Variants in ZNF385D observed in about 807,000 individuals in gnomAD.
ZNF385D encodes zinc finger protein 659.
A neutral mutation model predicts 35.8 loss-of-function variants in ZNF385D; 15 were observed. That is an observed-to-expected ratio of 0.42 (90% CI 0.28 to 0.64). The LOEUF (loss-of-function observed/expected upper bound fraction) is 0.64, where lower values mean the gene tolerates loss of function less well. ZNF385D is among the 30% of genes least tolerant of loss of function. The pLI, the probability that ZNF385D is intolerant of heterozygous loss-of-function variation, is 0.23. For synonymous variants in ZNF385D, 212 were observed against 186.8 expected, an observed-to-expected ratio of 1.13 and a Z score of -1.10; for missense variants, 474 against 494.6, an observed-to-expected ratio of 0.96 and a Z score of 0.39.
chr3:21,870,646 G>T (rs1017408532), intron 3 of ZNF385D, among the ~76,000 whole-genome samples: 2 of 152,038 alleles, frequency 1.3e-5, no homozygotes, highest in African/African-American at 4.8e-5. Flanking sequence ...GTATTCAAAT[G>T]GCCAACTGTT....
chr3:21,861,047 G>C (rs1697023883), intron 3 of ZNF385D, among the ~76,000 whole-genome samples: 1 of 152,056 alleles, frequency 6.6e-6, no homozygotes, highest in Non-Finnish European at 1.5e-5. Context: ...ACAGCATAGA[G>C]CAGACAAAGA....
intron 2 of ZNF385D, among the ~76,000 whole-genome samples, chr3:22,256,131 G>C (rs1292727420): frequency 6.6e-6 from 1 of 151,376 alleles, no homozygotes; most frequent in Non-Finnish European, 1.5e-5. Context: ...CTTCAGTTTT[G>C]AAACTTAGAC....
chr3:21,754,421 G>C (rs1352028491), upstream of ZNF385D, among the ~76,000 whole-genome samples: 1 of 152,120 alleles, frequency 6.6e-6, no homozygotes, highest in East Asian at 1.9e-4. Flanking sequence ...GCACCAACCT[G>C]CTTGCCAGAT....
At chr3:22,087,502 G>T (rs956633194) in intron 3 of ZNF385D, among the ~76,000 whole-genome samples, 4 of 152,198 alleles carry the variant, frequency 2.6e-5, no homozygotes, top group Non-Finnish European at 4.4e-5. Context: ...CCTTTGCCTA[G>T]GTCCTGTTTG....
intron 2 of ZNF385D, among the ~76,000 whole-genome samples, chr3:21,567,314 A>G (rs2063183491): frequency 1.3e-5 from 2 of 152,184 alleles, no homozygotes; most frequent in Non-Finnish European, 2.9e-5. Context: ...CACAGGACAT[A>G]GTACAGGATT....
intron 3 of ZNF385D, among the ~76,000 whole-genome samples, chr3:21,977,155 A>C (rs1703680845): frequency 6.6e-6 from 1 of 152,208 alleles, no homozygotes; most frequent in Non-Finnish European, 1.5e-5. Flanking sequence ...TAATTAGAGG[A>C]AGATTGATTT....
At chr3:22,115,608 G>C (rs1038662288) in intron 3 of ZNF385D, among the ~76,000 whole-genome samples, 4 of 152,042 alleles carry the variant, frequency 2.6e-5, no homozygotes, top group Non-Finnish European at 4.4e-5. Context: ...AGTTACATCA[G>C]AGAAAGTTAA....
At chr3:21,501,030 G>A (rs781423063) in intron 4 of ZNF385D, among the ~76,000 whole-genome samples, 3 of 152,082 alleles carry the variant, frequency 2.0e-5, no homozygotes, top group Non-Finnish European at 2.9e-5. Flanking sequence ...CCCCGCATTT[G>A]CATTAGAAGG....
Position 22,258,120 on chromosome 3 carries a change from G to C in ZNF385D, c.107-89085C>G, listed in dbSNP as rs568747249. Among the ~76,000 whole-genome samples, 8 of 151,880 alleles carry C rather than the reference G, an allele frequency of 5.3e-5. No individual in the cohort carries two copies. In the East Asian group the frequency reaches 1.6e-3, roughly 30 times the overall value. On this transcript the variant is annotated intron_variant, in intron 2 of 5. Coordinates refer to the ZNF385D transcript ENST00000494108. ...AATTTTTAATTTGAGAGTGAGGGGA[G>C]AGCCTTACTCTTTATAAATAGAACA...
At chr3:21,862,454 G>A (rs1271064142) in intron 3 of ZNF385D, among the ~76,000 whole-genome samples, 1 of 152,048 alleles carries the variant, frequency 6.6e-6, no homozygotes, top group Admixed American at 6.6e-5. Context: ...AAAAGTAACA[G>A]AAATAGGACA....
intron 1 of ZNF385D, among the ~76,000 whole-genome samples, chr3:21,676,155 C>A (rs1462015738): frequency 6.6e-6 from 1 of 152,048 alleles, no homozygotes; most frequent in Non-Finnish European, 1.5e-5. Context: ...GTTTTAAGGG[C>A]CTATATTTAG....
chr3:21,979,432 T>C (rs978925225), intron 3 of ZNF385D, among the ~76,000 whole-genome samples: 3 of 152,222 alleles, frequency 2.0e-5, no homozygotes, highest in African/African-American at 7.2e-5. Context: ...ATTTGACAGC[T>C]AGTTAGCCAC....
At chr3:21,806,128 G>A (rs1276226141) in intron 3 of ZNF385D, among the ~76,000 whole-genome samples, 1 of 151,886 alleles carries the variant, frequency 6.6e-6, no homozygotes, top group African/African-American at 2.4e-5. Context: ...TTGCCTGCCG[G>A]ACTACCTGCC....
chr3:22,145,075 T>A (rs142746377), intron 3 of ZNF385D, among the ~76,000 whole-genome samples: 1 of 152,078 alleles, frequency 6.6e-6, no homozygotes, highest in East Asian at 1.9e-4. Context: ...TACATACTTA[T>A]CAGCAGTACT....
intron 3 of ZNF385D, among the ~76,000 whole-genome samples, chr3:22,023,089 TTTC>T (rs1460541354): frequency 3.9e-5 from 6 of 152,212 alleles, no homozygotes; most frequent in Non-Finnish European, 8.8e-5. Flanking sequence ...CCTGAGGTCT[TTTC>T]TTATTTTTAT....
chr3:21,876,772 C>A (rs1697995767), intron 3 of ZNF385D, among the ~76,000 whole-genome samples: 1 of 151,878 alleles, frequency 6.6e-6, no homozygotes, highest in Non-Finnish European at 1.5e-5. Context: ...TGAAAGAATT[C>A]CATCTAATGT....
chr3:21,753,773 GTT>G (rs2070212737), upstream of ZNF385D, among the ~76,000 whole-genome samples: 1 of 108,844 alleles, frequency 9.2e-6, no homozygotes, highest in Non-Finnish European at 1.9e-5. Flanking sequence ...GGTGGTTGTT[GTT>G]GTTGTTGTTG....
intron 1 of ZNF385D, among the ~76,000 whole-genome samples, chr3:21,705,703 C>A (rs867468895): frequency 6.6e-6 from 1 of 152,186 alleles, no homozygotes; most frequent in African/African-American, 2.4e-5. Context: ...GAAAACAAAA[C>A]CTTCTCTGTG....
At chr3:21,651,176 T>G (rs1185560879) in intron 2 of ZNF385D, among the ~76,000 whole-genome samples, 1 of 148,730 alleles carries the variant, frequency 6.7e-6, no homozygotes, top group East Asian at 2.0e-4. Context: ...TAGTCCCAGC[T>G]ACTCGGGAGG....
Sources: allele counts gnomAD v4.1 joint callset (sites outside exome capture counted in the v4.1 genomes callset), GRCh38; gene constraint gnomAD v4.1.1; transcripts MANE v1.5; gene names NCBI Gene and HGNC (gene_info 2026-07-23, HGNC 2026-07-21).